GPC5: variants seen among roughly 807,000 people sequenced by gnomAD.
The protein encoded by GPC5 is glypican 5.
Under a neutral mutation model 53.9 loss-of-function variants are expected in GPC5, and 47 were observed. The observed-to-expected ratio is 0.87, with a 90% CI of 0.69 to 1.11. GPC5 has a LOEUF of 1.11. Among genes scored for constraint, GPC5 ranks in the 50% most tolerant of loss-of-function variants. The probability of loss-of-function intolerance (pLI) is 0.00; values close to 1 mark genes in which losing one functional copy is unlikely to be tolerated. For synonymous variants in GPC5, 286 were observed against 263.3 expected (o/e 1.09, Z -0.84); for missense variants, 748 against 713.1 (o/e 1.05, Z -0.56).
intron 2 of GPC5, among the ~76,000 whole-genome samples, chr13:91,637,629 G>A (rs2034317114): frequency 6.6e-6 from 1 of 152,102 alleles, no homozygotes; most frequent in African/African-American, 2.4e-5. Context: ...AAAAAGAGCT[G>A]GGAAACCCTG....
At chr13:91,602,923 G>A (rs2033226921) in intron 2 of GPC5, among the ~76,000 whole-genome samples, 1 of 152,166 alleles carries the variant, frequency 6.6e-6, no homozygotes, top group South Asian at 2.1e-4. Context: ...CTAGAATATG[G>A]AGTTATGTGC....
In GPC5 at chr13:91,416,051, A is replaced by C. The variant is rs1408293737; in HGVS notation, c.163+16842A>C. On this transcript the variant is annotated intron_variant, in intron 1 of 7. Coordinates refer to ENST00000377067, the MANE Select transcript of GPC5 (RefSeq NM_004466.6). The stretch of plus-strand genomic sequence containing the variant: ...TGCTTAATAAATATTTGATGAATTT[A>C]TTTGATTTATTAATCAAAGAACAGG... Among the ~76,000 whole-genome samples the C allele has an allele frequency of 2.0e-5, 3 of 152,186 alleles. No homozygotes were observed. In the South Asian group the frequency reaches 6.2e-4, roughly 32 times the overall value.
intron 2 of GPC5, among the ~76,000 whole-genome samples, chr13:91,538,765 G>T (rs1354079448): frequency 6.6e-6 from 1 of 151,528 alleles, no homozygotes; most frequent in Non-Finnish European, 1.5e-5. Context: ...TGTATTTTTA[G>T]TAGAGACCGG....
chr13:92,805,850 A>C (rs1877079018), intron 7 of GPC5, among the ~76,000 whole-genome samples: 1 of 152,106 alleles, frequency 6.6e-6, no homozygotes, highest in Non-Finnish European at 1.5e-5. Flanking sequence ...TTTATAAAGC[A>C]CTGGCAGAGT....
chr13:92,144,845 T>A lies in GPC5; in HGVS notation c.1417T>A (p.Ser473Thr), dbSNP rs533047221. 4 of 1,611,590 alleles carry A rather than the reference T, an allele frequency of 2.5e-6. No homozygotes were observed. The South Asian group carries it at 4.4e-5, about 18-fold the overall frequency. The change falls in exon 7 of 8, where the codon TCA becomes ACA. Residue 473 changes from serine to threonine, a missense_variant. Ser to Thr is a moderately conservative substitution (Grantham distance 58). Coordinates refer to ENST00000377067, the MANE Select transcript of GPC5 (RefSeq NM_004466.6). Reference protein sequence around the residue: ...KHVVQLLQGRSPKPDKWELLQ... With the variant: ...KHVVQLLQGRTPKPDKWELLQ... Reference sequence around the variant, plus strand: ...GTACAATTAGTTGTTACAGGGTAGATCACCCAAACCTGACAAGTGGGAACT... The same window carrying A: ...GTACAATTAGTTGTTACAGGGTAGAACACCCAAACCTGACAAGTGGGAACT...
At chr13:91,743,230 T>G (rs979223776) in intron 4 of GPC5, among the ~76,000 whole-genome samples, 1 of 152,180 alleles carries the variant, frequency 6.6e-6, no homozygotes, top group African/African-American at 2.4e-5. Context: ...CAAGTTCAGC[T>G]CCTGTTGTTA....
At chr13:91,860,490 C>T (rs1241632636) in intron 5 of GPC5, among the ~76,000 whole-genome samples, 2 of 98,672 alleles carry the variant, frequency 2.0e-5, no homozygotes, top group African/African-American at 9.2e-5. Flanking sequence ...TCCTTCCTTC[C>T]TCTTTCTTTC....
At chr13:91,586,284 T>A (rs2032564098) in intron 2 of GPC5, among the ~76,000 whole-genome samples, 3 of 149,674 alleles carry the variant, frequency 2.0e-5, no homozygotes, top group Admixed American at 6.8e-5. Flanking sequence ...CTAGTATGTG[T>A]TACCTGGCTA....
At chr13:92,797,397 A>G (rs772055125) in intron 7 of GPC5, among the ~76,000 whole-genome samples, 3 of 151,882 alleles carry the variant, frequency 2.0e-5, no homozygotes, top group Non-Finnish European at 4.4e-5. Context: ...CATCTTTAAC[A>G]TAAGATTTGG....
intron 2 of GPC5, among the ~76,000 whole-genome samples, chr13:91,624,026 C>T (rs571486110): frequency 3.3e-5 from 5 of 152,044 alleles, no homozygotes; most frequent in East Asian, 3.9e-4. Flanking sequence ...TCCAAACCAA[C>T]GAAGAGCAAG....
chr13:92,129,503 C>T (rs185526115), intron 6 of GPC5, among the ~76,000 whole-genome samples: 22 of 152,276 alleles, frequency 1.4e-4, no homozygotes, highest in Non-Finnish European at 2.9e-4. Context: ...TATTAACAAT[C>T]AACAAAACAC....
intron 4 of GPC5, among the ~76,000 whole-genome samples, chr13:91,744,721 G>T (rs1184777997): frequency 6.6e-6 from 1 of 152,082 alleles, no homozygotes; most frequent in Admixed American, 6.6e-5. Context: ...TAGATTATAT[G>T]CTTGTTCCGT....
At chr13:91,898,354 G>T (rs1365024086) in intron 5 of GPC5, among the ~76,000 whole-genome samples, 1 of 152,146 alleles carries the variant, frequency 6.6e-6, no homozygotes, top group African/African-American at 2.4e-5. Flanking sequence ...ACACATATTT[G>T]CATTCTGGTT....
chr13:91,976,431 T>C (rs186254756), intron 6 of GPC5, among the ~76,000 whole-genome samples: 3 of 152,268 alleles, frequency 2.0e-5, no homozygotes, highest in Admixed American at 2.0e-4. Flanking sequence ...AAGGCTTTAA[T>C]TGGGTGCCAC....
intron 7 of GPC5, among the ~76,000 whole-genome samples, chr13:92,231,965 C>CA (rs1316218766): frequency 6.6e-6 from 1 of 151,992 alleles, no homozygotes; most frequent in Non-Finnish European, 1.5e-5. Flanking sequence ...AACTCCATCT[C>CA]AAAAAACAAA....
At chr13:91,783,562 T>C (rs1412005886) in intron 5 of GPC5, among the ~76,000 whole-genome samples, 2 of 152,106 alleles carry the variant, frequency 1.3e-5, no homozygotes, top group Non-Finnish European at 2.9e-5. Flanking sequence ...GCCTCCTGAG[T>C]AACTGGGATT....
chr13:92,137,012 T>G (rs1405255717), intron 6 of GPC5, among the ~76,000 whole-genome samples: 2 of 152,006 alleles, frequency 1.3e-5, no homozygotes, highest in Admixed American at 6.6e-5. Context: ...ATCAGCTGAC[T>G]GCACAAACTG....
chr13:92,546,365 C>T (rs1594293602), intron 7 of GPC5, among the ~76,000 whole-genome samples: 1 of 152,208 alleles, frequency 6.6e-6, no homozygotes, highest in African/African-American at 2.4e-5. Context: ...CATTCTTATA[C>T]ACCAATAACA....
intron 7 of GPC5, among the ~76,000 whole-genome samples, chr13:92,707,707 C>G (rs1887998374): frequency 6.6e-6 from 1 of 152,002 alleles, no homozygotes; most frequent in Non-Finnish European, 1.5e-5. Flanking sequence ...AATGAAAACA[C>G]CTTTAATCCT....
Sources: gnomAD v4.1 joint callset for allele counts (sites outside exome capture counted in the v4.1 genomes callset) on GRCh38, gnomAD v4.1.1 for gene constraint, MANE v1.5 for transcripts, NCBI Gene and HGNC (gene_info 2026-07-23, HGNC 2026-07-21) for gene names.